Variants in ZNF74 observed in about 807,000 individuals in gnomAD.
ZNF74 encodes zinc finger protein 520.
ZNF74 carries 12 observed loss-of-function variants against 17.7 expected under a neutral mutation model. The observed-to-expected ratio is 0.68, with a 90% CI of 0.43 to 1.10. The LOEUF (loss-of-function observed/expected upper bound fraction) is 1.10, where lower values mean the gene tolerates loss of function less well. Among genes scored for constraint, ZNF74 ranks in the 50% least tolerant of loss-of-function variants. The pLI, the probability that ZNF74 is intolerant of heterozygous loss-of-function variation, is 0.00. For synonymous variants in ZNF74, 358 were observed against 362.1 expected (o/e 0.99, Z 0.13); for missense variants, 811 against 881.0 (o/e 0.92, Z 1.01).
chr22:20,398,222 C>T (rs2052317243), intron 2 of ZNF74, among the ~76,000 whole-genome samples: 1 of 150,846 alleles, frequency 6.6e-6, no homozygotes, highest in African/African-American at 2.5e-5. Flanking sequence ...GAGGCTGAGG[C>T]AGGAGAATCT....
rs543099798 is a variant in ZNF74, at chr22:20,406,652, A to G, written c.1619A>G (p.Asn540Ser). The G allele has an allele frequency of 5.1e-5, 83 of 1,614,216 alleles. 1 individual carries two copies. In the South Asian group the frequency reaches 8.8e-4, roughly 17 times the overall value. ...CSECGRAFSQ[N>S]HCLIKHQKIH... ...GAGTGCGGCAGAGCCTTCAGCCAGA[A>G]CCACTGTCTCATTAAACATCAGAAA... is the stretch of plus-strand genomic sequence containing the variant. The change falls in exon 5 of 5, where the codon AAC becomes AGC. Residue 540 changes from asparagine (N) to serine (S), a missense_variant. Transcript: ENST00000400451.
At chr22:20,399,601 G>C (rs568425079) in intron 2 of ZNF74, 192 of 391,650 alleles carry the variant, frequency 4.9e-4, no homozygotes, top group Non-Finnish European at 8.7e-4. Context: ...ACAGAGTTTG[G>C]CTCTTGTCAC....
intron 1 of ZNF74, chr22:20,395,114 G>A (rs2052278100): frequency 4.0e-6 from 2 of 494,836 alleles, no homozygotes; most frequent in South Asian, 3.1e-5. Flanking sequence ...TTGATTGGGG[G>A]TAGCAGCTCT....
chr22:20,406,087 C>A lies in ZNF74; in HGVS notation c.1054C>A (p.Arg352=). Residue 352 remains arginine, a synonymous_variant, in exon 5 of 5, where the codon CGG becomes AGG. Transcript: ENST00000400451. ...CAGCTCGCTGCTCAGCATGCACCTG[C>A]GGGTGCACACCGGCGAGAAGCCCTA... ...SCSSLLSMHL[R]VHTGEKPYRC... 1 of 1,611,936 alleles carries A rather than the reference C, an allele frequency of 6.2e-7. No homozygotes were observed. The highest frequency in any genetic ancestry group is 8.5e-7 in the Non-Finnish European group (1 of 1,179,374).
In ZNF74 at chr22:20,401,184, T is replaced by G; in HGVS notation, c.248-93T>G. 1 of 798,704 alleles carries G rather than the reference T, an allele frequency of 1.3e-6. No homozygotes were observed. The highest frequency in any genetic ancestry group is 1.7e-5 in the African/African-American group (1 of 58,520). The allele number at this position is 798,704 out of a possible 1,614,324, so 49.5% of individuals were successfully genotyped here. On this transcript the variant is annotated intron_variant, in intron 3 of 4. Transcript: ENST00000400451. This position sits in a 1 kb window ranked among gnomAD's most constrained non-coding sequence, Gnocchi z 4.2. ...CCTGTTCCCAGAGAGGGTGTCCACT[T>G]CACAGGCATTGTCCTTGTTAGGGGG...
rs144765392 is a variant in ZNF74 at position 20,398,252 on chromosome 22, G to T, written c.121-2380G>T. 4.1e-3 allele frequency among the ~76,000 whole-genome samples: 616 copies of T among 151,682 alleles called. 3 individuals are homozygous for T. Among genetic ancestry groups the T allele is most frequent in the African/African-American group, 0.014 (595 of 41,302 alleles). On this transcript the variant is annotated intron_variant, in intron 2 of 4. Coordinates refer to ENST00000400451, the MANE Select transcript of ZNF74 (RefSeq NM_003426.4). ...GAATCTCTTGAACCCAGGAGGCAGA[G>T]GTTGCAGTGAGCTGAGATTGCACCA...
chr22:20,394,789 ACT>A (rs2052273299), intron 1 of ZNF74, 127 bp downstream of exon 1: 4 of 884,076 alleles, frequency 4.5e-6, no homozygotes, highest in Middle Eastern at 2.3e-4. Flanking sequence ...ATGGAATCTC[ACT>A]CTGTCACCCA....
chr22:20,395,467 C>G, intron 2 of ZNF74, 49 bp downstream of exon 2: 1 of 1,407,238 alleles, frequency 7.1e-7, no homozygotes, highest in African/African-American at 1.4e-5. Context: ...TTGGCACATT[C>G]CCTCCCCAGC....
chr22:20,397,694 CA>C (rs1288101166), intron 2 of ZNF74, among the ~76,000 whole-genome samples: 1 of 152,158 alleles, frequency 6.6e-6, no homozygotes, highest in Admixed American at 6.5e-5. Context: ...TTGTGTGAAT[CA>C]GTAGTTTGTT....
intron 2 of ZNF74, among the ~76,000 whole-genome samples, chr22:20,396,169 T>C (rs1217383946): frequency 2.0e-5 from 2 of 102,510 alleles, no homozygotes; most frequent in African/African-American, 5.3e-5. Flanking sequence ...TGGGTTTTTG[T>C]TTTTTTTTTA....
rs1408270021 is a variant in ZNF74 at position 20,401,251 on chromosome 22, C to T, written c.248-26C>T. On this transcript the variant is annotated intron_variant, in intron 3 of 4. Transcript: ENST00000400451. The surrounding 1 kb of genome is among the most constrained non-coding windows in gnomAD (Gnocchi z 4.2). ...CTGGGCCTGGAGAGCTGCAGCATGC[C>T]CAGCCCACTTTCTCTCCACGAGCAG... 3 of 1,556,860 alleles carry T rather than the reference C, an allele frequency of 1.9e-6. No individual in the cohort carries two copies. The highest frequency in any genetic ancestry group is 2.6e-6 in the Non-Finnish European group (3 of 1,134,182).
At chr22:20,395,265 G>A in intron 1 of ZNF74, 68 bp from the exon 2 acceptor site, 2 of 1,267,538 alleles carry the variant, frequency 1.6e-6, no homozygotes, top group East Asian at 2.4e-5. Context: ...CTTGTGCCAC[G>A]ACAGGTGGGC....
intron 2 of ZNF74, among the ~76,000 whole-genome samples, chr22:20,399,085 A>G (rs1026205614): frequency 2.6e-5 from 4 of 152,214 alleles, no homozygotes; most frequent in African/African-American, 4.8e-5. Flanking sequence ...TTTATTTCCC[A>G]GAGTGTGGTT....
At position 20,406,225 on chromosome 22, in the gene ZNF74, AC is replaced by A. The variant is rs1601280272; in HGVS notation, c.1194del (p.Cys399AlafsTer212). 1 of 1,598,168 alleles carries A rather than the reference AC, an allele frequency of 6.3e-7. No homozygotes were observed. The highest frequency in any genetic ancestry group is 2.3e-5 in the East Asian group (1 of 43,790). Reference protein sequence around the residue: ...YQCGSCGKAFTCHSSLTVHEK... With the variant: ...YQCGSCGKAFXCHSSLTVHEK... ...GTGCGGCTCCTGCGGCAAGGCCTTC[AC>A]CTGCCACTCATCCCTCACCGTGCAT... On this transcript the variant is annotated frameshift_variant, in exon 5 of 5. Transcript: ENST00000400451. LOFTEE classifies it low-confidence loss of function (END_TRUNC).
Position 20,394,389 on chromosome 22 carries a change from A to G in ZNF74, c.-240A>G. On this transcript the variant is annotated 5_prime_UTR_variant, in exon 1 of 5. An upstream start codon of the reference 5' UTR is lost. Coordinates refer to ENST00000400451, the MANE Select transcript of ZNF74 (RefSeq NM_003426.4). ...GTGCCGGGGCGTGAGTGCGCCGAGC[A>G]TGGGGCTGAGCCTGGTGTGGGGAGT... The G allele has an allele frequency of 1.5e-6, 1 of 670,120 alleles. No individual in the cohort carries two copies. Among genetic ancestry groups the G allele is most frequent in the Non-Finnish European group, 2.7e-6 (1 of 366,412 alleles). The allele number at this position is 670,120 out of a possible 1,614,324, so 41.5% of individuals were successfully genotyped here.
intron 2 of ZNF74, among the ~76,000 whole-genome samples, chr22:20,396,844 C>T (rs997909494): frequency 2.0e-5 from 3 of 152,160 alleles, no homozygotes; most frequent in African/African-American, 7.2e-5. Context: ...GCATCTGATT[C>T]CAATGCATAC....
Position 20,394,242 on chromosome 22 carries a change from C to A in ZNF74, c.-387C>A. On this transcript the variant is annotated 5_prime_UTR_variant, in exon 1 of 5. Coordinates refer to ENST00000400451, the MANE Select transcript of ZNF74 (RefSeq NM_003426.4). ...GCCGGTCCCTCAGACCGTCGGCGGTCTCTGTCCGCTTCGGGACCTGTCCGC... is the reference window on the plus strand; with the variant it reads ...GCCGGTCCCTCAGACCGTCGGCGGTATCTGTCCGCTTCGGGACCTGTCCGC... 1 of 703,894 alleles carries A rather than the reference C, an allele frequency of 1.4e-6. No individual in the cohort carries two copies. Among genetic ancestry groups the A allele is most frequent in the South Asian group, 1.5e-5 (1 of 67,240 alleles). 43.6% of individuals were successfully genotyped at this position (703,894 alleles called of 1,614,324 possible). A position where few individuals can be genotyped will look rare whatever the true frequency, so the allele number is the denominator to read the frequency against.
intron 2 of ZNF74, among the ~76,000 whole-genome samples, chr22:20,396,460 T>G (rs1026083025): frequency 3.3e-5 from 5 of 152,000 alleles, no homozygotes; most frequent in African/African-American, 1.2e-4. Flanking sequence ...TTATTGCATG[T>G]GATAATAGTA....
At chr22:20,395,206 G>T in intron 1 of ZNF74, 127 bp from the exon 2 acceptor site, 1 of 655,590 alleles carries the variant, frequency 1.5e-6, no homozygotes, top group South Asian at 1.9e-5. Flanking sequence ...ACTGGGGCTC[G>T]TTCCCCACCT....
Sources: gnomAD v4.1 joint callset for allele counts (sites outside exome capture counted in the v4.1 genomes callset) on GRCh38, gnomAD v4.1.1 for gene constraint, Gnocchi (gnomAD v3.1) non-coding constraint, MANE v1.5 for transcripts, NCBI Gene and HGNC (gene_info 2026-07-23, HGNC 2026-07-21) for gene names.